CACNG2: variants seen among roughly 807,000 people sequenced by gnomAD.
CACNG2 encodes calcium voltage-gated channel auxiliary subunit gamma 2.
Under a neutral mutation model 25.9 loss-of-function variants are expected in CACNG2, and 3 were observed. That is an observed-to-expected ratio of 0.12 (90% CI 0.05 to 0.30). The LOEUF (loss-of-function observed/expected upper bound fraction) is 0.30. Among genes scored for constraint, CACNG2 ranks in the 10% least tolerant of loss-of-function variants. The pLI is 1.00. For synonymous variants in CACNG2, 167 were observed against 173.3 expected (o/e 0.96, Z 0.29); for missense variants, 341 against 432.5 (o/e 0.79, Z 1.88).
chr22:36,577,635 T>G (rs1603500598), intron 2 of CACNG2, among the ~76,000 whole-genome samples: 7 of 121,460 alleles, frequency 5.8e-5, no homozygotes, highest in East Asian at 2.3e-4. Context: ...GGCGACAGAG[T>G]GAGACTCCGT....
chr22:36,629,240 A>C (rs1936231060), intron 1 of CACNG2, among the ~76,000 whole-genome samples: 1 of 152,194 alleles, frequency 6.6e-6, no homozygotes, highest in Admixed American at 6.5e-5. Flanking sequence ...CTGGTGAAGA[A>C]TATGTTCATT....
chr22:36,580,674 C>CT (rs1935400292), intron 2 of CACNG2, among the ~76,000 whole-genome samples: 1 of 152,176 alleles, frequency 6.6e-6, no homozygotes. Context: ...CCATACCCCG[C>CT]AGTCCTGGAC....
chr22:36,692,833 T>C (rs1397014755), intron 1 of CACNG2, among the ~76,000 whole-genome samples: 2 of 151,970 alleles, frequency 1.3e-5, no homozygotes, highest in Non-Finnish European at 2.9e-5. Context: ...ATGCATGTGC[T>C]AAAAAAATAA....
At chr22:36,699,775 G>A (rs888177007) in intron 1 of CACNG2, among the ~76,000 whole-genome samples, 1 of 152,166 alleles carries the variant, frequency 6.6e-6, no homozygotes, top group Non-Finnish European at 1.5e-5. Flanking sequence ...GCTCATAAAA[G>A]CAAGCACACT....
intron 1 of CACNG2, among the ~76,000 whole-genome samples, chr22:36,657,639 A>T (rs1047699583): frequency 1.6e-4 from 25 of 152,330 alleles, no homozygotes; most frequent in African/African-American, 5.8e-4. Flanking sequence ...CTCTGTGCCT[A>T]TAATTTTTAA....
At chr22:36,610,627 A>C (rs1028325304) in intron 1 of CACNG2, among the ~76,000 whole-genome samples, 22 of 152,258 alleles carry the variant, frequency 1.4e-4, no homozygotes, top group African/African-American at 4.8e-4. Flanking sequence ...CAGAGGAGTG[A>C]CCCCCAAAGC....
chr22:36,578,844 G>C (rs560663358), intron 2 of CACNG2, among the ~76,000 whole-genome samples: 2 of 152,160 alleles, frequency 1.3e-5, no homozygotes, highest in African/African-American at 4.8e-5. Flanking sequence ...TGTGCTGGAG[G>C]GGGTGGATGG....
rs546477644 is a variant in CACNG2 at position 36,592,463 on chromosome 22, G to A, written c.212-4915C>T. Among the ~76,000 whole-genome samples the A allele has an allele frequency of 3.9e-5, 6 of 152,174 alleles. No homozygotes were observed. In the South Asian group the frequency reaches 6.2e-4, roughly 16 times the overall value. ...AGGTGGCTTGGGGCAGGCAGAGGTA[G>A]GGATGATCTTCAAGTATGCACTGGA... is the stretch of plus-strand genomic sequence containing the variant. On this transcript the variant is annotated intron_variant, in intron 1 of 3. Coordinates refer to ENST00000300105, the MANE Select transcript of CACNG2 (RefSeq NM_006078.5).
chr22:36,614,870 C>T lies in CACNG2; in HGVS notation c.212-27322G>A, dbSNP rs528934705. ...CAGTACTGACATAATGGCTTATGTCCGTGGACTTACTGCACATGGAGAAAG... is the reference window on the plus strand; with the variant it reads ...CAGTACTGACATAATGGCTTATGTCTGTGGACTTACTGCACATGGAGAAAG... On this transcript the variant is annotated intron_variant, in intron 1 of 3. Transcript: ENST00000300105. 4.6e-5 allele frequency among the ~76,000 whole-genome samples: 7 copies of T among 152,278 alleles called. 1 individual carries two copies. The highest frequency in any genetic ancestry group is 2.1e-4 in the South Asian group (1 of 4,826).
At chr22:36,649,655 C>T (rs762747373) in intron 1 of CACNG2, among the ~76,000 whole-genome samples, 2 of 152,180 alleles carry the variant, frequency 1.3e-5, no homozygotes, top group Non-Finnish European at 2.9e-5. Flanking sequence ...TGAATTGTAG[C>T]TCCCATCATT....
chr22:36,684,440 A>G (rs1937169063), intron 1 of CACNG2, among the ~76,000 whole-genome samples: 1 of 151,814 alleles, frequency 6.6e-6, no homozygotes, highest in Admixed American at 6.6e-5. Context: ...GCATGGCGAA[A>G]CCCCATCTCT....
At chr22:36,586,880 T>A (rs2145921657) in intron 2 of CACNG2, among the ~76,000 whole-genome samples, 1 of 152,240 alleles carries the variant, frequency 6.6e-6, no homozygotes, top group East Asian at 1.9e-4. Context: ...ATGTCTCAGG[T>A]GGATTTAAGA....
At chr22:36,613,339 C>A (rs1935974872) in intron 1 of CACNG2, among the ~76,000 whole-genome samples, 1 of 152,190 alleles carries the variant, frequency 6.6e-6, no homozygotes, top group Admixed American at 6.5e-5. Flanking sequence ...TAATACCTTT[C>A]TCCCTCAAGT....
intron 1 of CACNG2, among the ~76,000 whole-genome samples, chr22:36,683,619 C>T (rs755942583): frequency 1.3e-5 from 2 of 152,174 alleles, no homozygotes; most frequent in Non-Finnish European, 2.9e-5. Context: ...AATCTTACAG[C>T]TTCTTCCAAG....
chr22:36,658,279 A>T (rs1466767832), intron 1 of CACNG2, among the ~76,000 whole-genome samples: 1 of 152,198 alleles, frequency 6.6e-6, no homozygotes, highest in African/African-American at 2.4e-5. Flanking sequence ...CGGAACTGTG[A>T]ACTTTAGATC....
rs140409914 is a variant in CACNG2 at position 36,649,335 on chromosome 22, G to A, written c.211+53031C>T. 4.1e-4 allele frequency among the ~76,000 whole-genome samples: 62 copies of A among 152,076 alleles called. 1 individual carries two copies. Among genetic ancestry groups the A allele is most frequent in the African/African-American group, 1.4e-3 (57 of 41,498 alleles). Reference sequence around the variant, plus strand: ...GAGACGGAGTCTCACTCTGTCACCCGGGCTGGAGTACGGCGGTGTGATCTC... The same window carrying A: ...GAGACGGAGTCTCACTCTGTCACCCAGGCTGGAGTACGGCGGTGTGATCTC... On this transcript the variant is annotated intron_variant, in intron 1 of 3. Transcript: ENST00000300105.
chr22:36,566,356 C>A lies in CACNG2; in HGVS notation c.433G>T (p.Ala145Ser), dbSNP rs1252401656. Residue 145 changes from alanine to serine, a missense_variant, in exon 3 of 4, where the codon GCA (alanine) becomes TCA (serine). Ala to Ser is a moderately conservative substitution (Grantham distance 99). This residue lies in a region of CACNG2 where 169 missense variants were observed against 254.4 expected (regional missense o/e 0.66). Coordinates refer to ENST00000300105, the MANE Select transcript of CACNG2 (RefSeq NM_006078.5). ...ILSAGIFFVS[A>S]GLSNIIGIIV... ...GGACTGGATCAGTGGCTGTTACCTG[C>A]AGACACGAAGAAGATGCCGGCACTC... 6.2e-7 allele frequency: 1 copy of A among 1,613,950 alleles called. No individual in the cohort carries two copies. Among genetic ancestry groups the A allele is most frequent in the African/African-American group, 1.3e-5 (1 of 74,942 alleles).
intron 1 of CACNG2, among the ~76,000 whole-genome samples, chr22:36,609,795 G>T (rs1935906730): frequency 6.6e-6 from 1 of 151,150 alleles, no homozygotes; most frequent in South Asian, 2.1e-4. Context: ...ATGTGATCAG[G>T]CAGGAATCAG....
At chr22:36,698,676 T>G (rs549919338) in intron 1 of CACNG2, among the ~76,000 whole-genome samples, 2 of 152,276 alleles carry the variant, frequency 1.3e-5, no homozygotes, top group African/African-American at 4.8e-5. Context: ...AAGCCACTGA[T>G]GGATGAGGAG....
Sources: gnomAD v4.1 joint callset for allele counts (sites outside exome capture counted in the v4.1 genomes callset) on GRCh38, gnomAD v4.1.1 for gene constraint, gnomAD v4.1.1 regional missense constraint, MANE v1.5 for transcripts, NCBI Gene and HGNC (gene_info 2026-07-23, HGNC 2026-07-21) for gene names.